Variants in PSMA4 observed in about 807,000 individuals in gnomAD.
PSMA4 encodes the protein proteasome subunit alpha type-4.
A neutral mutation model predicts 37.2 loss-of-function variants in PSMA4; 8 were observed. The observed-to-expected ratio is 0.22, with a 90% CI of 0.13 to 0.39. PSMA4 has a LOEUF of 0.39. Among genes scored for constraint, PSMA4 ranks in the 10% least tolerant of loss-of-function variants. The probability of loss-of-function intolerance (pLI) is 1.00; values close to 1 mark genes in which losing one functional copy is unlikely to be tolerated. For synonymous variants in PSMA4, 93 were observed against 98.8 expected (o/e 0.94, Z 0.35); for missense variants, 169 against 305.1 (o/e 0.55, Z 3.32).
At chr15:78,547,996 G>A (rs1261447334) in intron 8 of PSMA4, among the ~76,000 whole-genome samples, 1 of 152,016 alleles carries the variant, frequency 6.6e-6, no homozygotes, top group Admixed American at 6.6e-5. Flanking sequence ...TTGGGAGGCC[G>A]AGGTGGGTGG....
rs2052624446 is a variant in PSMA4, at chr15:78,550,230, A to T, written c.*1286A>T. On this transcript the variant is annotated 3_prime_UTR_variant, in exon 9 of 9. Transcript: ENST00000044462. ...CATTTTTATCAACTGATCAGTACAT[A>T]ACCTGTTTTTTGTGTATTTCTACTT... is the stretch of plus-strand genomic sequence containing the variant. 6.6e-6 allele frequency: 1 copy of T among 152,192 alleles called. No individual in the cohort carries two copies. Among genetic ancestry groups the T allele is most frequent in the South Asian group, 2.1e-4 (1 of 4,832 alleles). 9.4% of individuals were successfully genotyped at this position (152,192 alleles called of 1,614,324 possible).
In PSMA4 at chr15:78,546,641, T is replaced by TA; in HGVS notation, c.574_575insA (p.Leu192TyrfsTer8). 6.2e-7 allele frequency: 1 copy of TA among 1,605,398 alleles called. No homozygotes were observed. The highest frequency in any genetic ancestry group is 8.5e-7 in the Non-Finnish European group (1 of 1,177,298). ...AATGACCTTGAAGTCAGCACTTGCTTTAGCTATCAAAGTACTAAATAAGAC... is the reference window on the plus strand; with the variant it reads ...AATGACCTTGAAGTCAGCACTTGCTTATAGCTATCAAAGTACTAAATAAGAC... On this transcript the variant is annotated frameshift_variant, in exon 8 of 9. Transcript: ENST00000044462. LOFTEE classifies it high-confidence loss of function.
At chr15:78,544,042 T>C (rs1396838116) in intron 4 of PSMA4, 148 bp from the exon 5 acceptor site, 3 of 587,140 alleles carry the variant, frequency 5.1e-6, no homozygotes, top group Non-Finnish European at 9.0e-6. Context: ...CCTACAAAGA[T>C]AAAACTTGTA....
At position 78,542,236 on chromosome 15, in the gene PSMA4, T is replaced by A. The variant is rs750176930; in HGVS notation, c.46+17T>A. 1.9e-6 allele frequency: 3 copies of A among 1,582,464 alleles called. No individual in the cohort carries two copies. The highest frequency in any genetic ancestry group is 2.7e-5 in the African/African-American group (2 of 73,012). On this transcript the variant is annotated intron_variant, in intron 3 of 8. Coordinates refer to ENST00000044462, the MANE Select transcript of PSMA4 (RefSeq NM_002789.6). ...CTCCAGAAGGTAAAATAGAAATTGT[T>A]TAATCTGCCTCAAGTTTAAAAATAA...
intron 4 of PSMA4, chr15:78,543,940 A>C: frequency 2.7e-6 from 1 of 374,778 alleles, no homozygotes; most frequent in Non-Finnish European, 4.8e-6. Context: ...TTGTTATCCT[A>C]TTCATAGGTG....
Position 78,544,970 on chromosome 15 carries a change from T to C in PSMA4, c.376+13T>C. 1 of 1,573,354 alleles carries C rather than the reference T, an allele frequency of 6.4e-7. No homozygotes were observed. The highest frequency in any genetic ancestry group is 8.7e-7 in the Non-Finnish European group (1 of 1,151,774). ...ACACAATTTGGAGGTATTTAATTTTTTTGAAAATTTTATTCGAAAAAGTTA... is the reference window on the plus strand; with the variant it reads ...ACACAATTTGGAGGTATTTAATTTTCTTGAAAATTTTATTCGAAAAAGTTA... On this transcript the variant is annotated intron_variant, in intron 6 of 8. Transcript: ENST00000044462.
intron 8 of PSMA4, among the ~76,000 whole-genome samples, chr15:78,547,027 A>G (rs1455126532): frequency 6.6e-6 from 1 of 152,240 alleles, no homozygotes; most frequent in Admixed American, 6.5e-5. Flanking sequence ...CAGCCTCTCA[A>G]AGTGCTGGGA....
rs575201136 is a variant in PSMA4 at position 78,549,644 on chromosome 15, A to G, written c.*700A>G. The G allele has an allele frequency of 1.3e-5, 2 of 152,374 alleles. No homozygotes were observed. The highest frequency in any genetic ancestry group is 1.3e-4 in the Admixed American group (2 of 15,308). The allele number at this position is 152,374 out of a possible 1,614,324, so 9.4% of individuals were successfully genotyped here. On this transcript the variant is annotated 3_prime_UTR_variant, in exon 9 of 9. Coordinates refer to ENST00000044462, the MANE Select transcript of PSMA4 (RefSeq NM_002789.6). ...TAGCCATGGTGCTTTAGCATCACCTATGCAGATTCTGATGTCCCATCCCAG... is the reference window on the plus strand; with the variant it reads ...TAGCCATGGTGCTTTAGCATCACCTGTGCAGATTCTGATGTCCCATCCCAG...
At chr15:78,543,950 G>C in intron 4 of PSMA4, 1 of 386,732 alleles carries the variant, frequency 2.6e-6, no homozygotes, top group Non-Finnish European at 4.6e-6. Flanking sequence ...ATTCATAGGT[G>C]GTAATGATAA....
rs535287638 is a variant in PSMA4, at chr15:78,549,971, T to A, written c.*1027T>A. Reference sequence around the variant, plus strand: ...ACCAAATATGTGCTCCCAGTCTAATTTCTCATTGTAGATTTTCTTAATGCA... The same window carrying A: ...ACCAAATATGTGCTCCCAGTCTAATATCTCATTGTAGATTTTCTTAATGCA... On this transcript the variant is annotated 3_prime_UTR_variant, in exon 9 of 9. Transcript: ENST00000044462. The A allele has an allele frequency of 6.5e-6, 1 of 152,748 alleles. No individual in the cohort carries two copies. Among genetic ancestry groups the A allele is most frequent in the African/African-American group, 2.4e-5 (1 of 41,608 alleles). The allele number at this position is 152,748 out of a possible 1,614,324, so 9.5% of individuals were successfully genotyped here. A position where few individuals can be genotyped will look rare whatever the true frequency, so the allele number is the denominator to read the frequency against.
chr15:78,551,483 G>C lies in PSMA4; in HGVS notation c.*2539G>C, dbSNP rs913721300. ...TCTCTGCTTGCATGTCACCTTTTTT[G>C]GGGTACTTCTGTGAAGGAGCAATCT... is the stretch of plus-strand genomic sequence containing the variant. On this transcript the variant is annotated 3_prime_UTR_variant, in exon 9 of 9. Coordinates refer to ENST00000044462, the MANE Select transcript of PSMA4 (RefSeq NM_002789.6). The C allele has an allele frequency of 6.6e-6, 1 of 151,340 alleles. No individual in the cohort carries two copies. The highest frequency in any genetic ancestry group is 2.4e-5 in the African/African-American group (1 of 41,102). The allele number at this position is 151,340 out of a possible 1,614,324, so 9.4% of individuals were successfully genotyped here.
rs2052642398 is a variant in PSMA4 at position 78,551,460 on chromosome 15, T to C, written c.*2516T>C. 1 of 151,922 alleles carries C rather than the reference T, an allele frequency of 6.6e-6. No homozygotes were observed. Among genetic ancestry groups the C allele is most frequent in the Admixed American group, 6.6e-5 (1 of 15,208 alleles). 9.4% of individuals were successfully genotyped at this position (151,922 alleles called of 1,614,324 possible). ...TTGCCCACTCCCTCATCTCCAGGTC[T>C]CTGCTTGCATGTCACCTTTTTTGGG... On this transcript the variant is annotated 3_prime_UTR_variant, in exon 9 of 9. Transcript: ENST00000044462.
chr15:78,547,296 G>A (rs1292607903), intron 8 of PSMA4, among the ~76,000 whole-genome samples: 1 of 152,146 alleles, frequency 6.6e-6, no homozygotes, highest in Non-Finnish European at 1.5e-5. Flanking sequence ...ATCCTGCACT[G>A]TGCTACTTTT....
Position 78,548,771 on chromosome 15 carries a change from T to G in PSMA4, c.632-19T>G, listed in dbSNP as rs372300408. The G allele has an allele frequency of 1.3e-6, 2 of 1,599,212 alleles. No homozygotes were observed. The highest frequency in any genetic ancestry group is 2.7e-5 in the African/African-American group (2 of 73,954). On this transcript the variant is annotated intron_variant, in intron 8 of 8. Transcript: ENST00000044462. Reference sequence around the variant, plus strand: ...CCTGCCTGCCTGCAATACAAATAAATGTATGTGTTTGTTTTTAGTGGAAAT... The same window carrying G: ...CCTGCCTGCCTGCAATACAAATAAAGGTATGTGTTTGTTTTTAGTGGAAAT...
At chr15:78,548,301 TCAAGGAAGCACTACTCAGTTTCCCTGGTA>T (rs1306758421) in intron 8 of PSMA4, among the ~76,000 whole-genome samples, 1 of 152,318 alleles carries the variant, frequency 6.6e-6, no homozygotes, top group East Asian at 1.9e-4. Flanking sequence ...CCACCCAGTT[TCAAGGAAGCACTACTCAGTTTCCCTGGTA>T]CAAAAAAATT....
In PSMA4 at chr15:78,550,863, T is replaced by C. The variant is rs1198576943; in HGVS notation, c.*1919T>C. 1.3e-5 allele frequency: 2 copies of C among 152,216 alleles called. No homozygotes were observed. Among genetic ancestry groups the C allele is most frequent in the African/African-American group, 4.8e-5 (2 of 41,520 alleles). 9.4% of individuals were successfully genotyped at this position (152,216 alleles called of 1,614,324 possible). ...CAAATGACTAAAAGTACCACAAGTA[T>C]TGGTTTGGGGGTTACATGTACATTT... On this transcript the variant is annotated 3_prime_UTR_variant, in exon 9 of 9. Coordinates refer to ENST00000044462, the MANE Select transcript of PSMA4 (RefSeq NM_002789.6).
intron 8 of PSMA4, among the ~76,000 whole-genome samples, chr15:78,548,278 CT>C (rs2052591747): frequency 6.6e-6 from 1 of 152,124 alleles, no homozygotes; most frequent in Non-Finnish European, 1.5e-5. Flanking sequence ...AGATTGCCCT[CT>C]TTTGTCTACT....
At chr15:78,547,850 ATATTTC>A (rs2141379269) in intron 8 of PSMA4, among the ~76,000 whole-genome samples, 1 of 152,206 alleles carries the variant, frequency 6.6e-6, no homozygotes, top group Non-Finnish European at 1.5e-5. Flanking sequence ...AAAAAAAAGA[ATATTTC>A]TAAATGTTTT....
At chr15:78,548,366 T>C (rs1364241864) in intron 8 of PSMA4, among the ~76,000 whole-genome samples, 1 of 152,228 alleles carries the variant, frequency 6.6e-6, no homozygotes, top group Non-Finnish European at 1.5e-5. Context: ...ATCAGTCTGC[T>C]TTTCTTGGCC....
Sources: allele counts gnomAD v4.1 joint callset (sites outside exome capture counted in the v4.1 genomes callset), GRCh38; gene constraint gnomAD v4.1.1; transcripts MANE v1.5; gene names NCBI Gene and HGNC (gene_info 2026-07-23, HGNC 2026-07-21).